ZC3H3: variants seen among roughly 807,000 people sequenced by gnomAD.
ZC3H3 encodes zinc finger CCCH-type containing 3, also known as zinc finger CCCH domain-containing protein 3.
Under a neutral mutation model 77.3 loss-of-function variants are expected in ZC3H3, and 36 were observed. The observed-to-expected ratio is 0.47, with a 90% confidence interval of 0.36 to 0.61. ZC3H3 has a LOEUF of 0.61. Ranked by LOEUF, ZC3H3 falls within the 20% of genes least tolerant of loss-of-function variation. ZC3H3 has a pLI of 0.00. For missense variants in ZC3H3, 1,331 were observed against 1,312.2 expected (o/e 1.01, Z -0.22); for synonymous variants, 626 against 555.2 (o/e 1.13, Z -1.79).
In ZC3H3 at chr8:143,462,753, G is replaced by A. The variant is rs917709650; in HGVS notation, c.2307+2964C>T. Among the ~76,000 whole-genome samples the A allele has an allele frequency of 3.9e-5, 6 of 152,222 alleles. No homozygotes were observed. The highest frequency in any genetic ancestry group is 3.3e-4 in the Admixed American group (5 of 15,292). ...AGATGCAGGAGGGCCAAGGTGTGCA[G>A]GAGCTCTCAATGCAGAGGTGGGGAT... is the stretch of plus-strand genomic sequence containing the variant. On this transcript the variant is annotated intron_variant, in intron 9 of 11. Coordinates refer to ENST00000262577, the MANE Select transcript of ZC3H3 (RefSeq NM_015117.3). This position sits in a 1 kb window ranked among gnomAD's most constrained non-coding sequence, Gnocchi z 4.7.
At position 143,438,866 on chromosome 8, in the gene ZC3H3, GC is replaced by G. The variant is rs1436961584; in HGVS notation, c.2816-780del. ...GTCGGGCCCAGCAGCCAGGGCCCAG[GC>G]TACAGACTACACAGGCTCTGACCCG... On this transcript the variant is annotated intron_variant, in intron 11 of 11. Coordinates refer to ENST00000262577, the MANE Select transcript of ZC3H3 (RefSeq NM_015117.3). Among the ~76,000 whole-genome samples, 3 of 152,178 alleles carry G rather than the reference GC, an allele frequency of 2.0e-5. No homozygotes were observed. The East Asian group carries it at 5.8e-4, about 29-fold the overall frequency.
At chr8:143,443,035 G>A (rs991522253) in intron 9 of ZC3H3, among the ~76,000 whole-genome samples, 5 of 152,130 alleles carry the variant, frequency 3.3e-5, no homozygotes, top group African/African-American at 1.2e-4. Context: ...CACTTTGGGA[G>A]CAAAAGCGGG....
At chr8:143,453,728 C>T (rs561447610) in intron 9 of ZC3H3, among the ~76,000 whole-genome samples, 10 of 152,314 alleles carry the variant, frequency 6.6e-5, no homozygotes, top group Non-Finnish European at 1.5e-4. Flanking sequence ...TCCATCTCTT[C>T]CCCAGTTTTT....
At position 143,440,100 on chromosome 8, in the gene ZC3H3, G is replaced by A. The variant is rs759251402; in HGVS notation, c.2756C>T (p.Pro919Leu). The A allele has an allele frequency of 1.8e-5, 29 of 1,606,970 alleles. 1 individual carries two copies. The highest frequency in any genetic ancestry group is 8.4e-5 in the Admixed American group (5 of 59,280). The change falls in exon 11 of 12, where the codon CCG becomes CTG. Residue 919 changes from proline (P) to leucine (L), a missense_variant. Pro to Leu is a moderately conservative substitution (Grantham distance 98). Around this residue, in one of 3 missense-constraint regions of ZC3H3, gnomAD observed 249 missense variants for 236.9 expected, o/e 1.05. Transcript: ENST00000262577. ...GACCCTGGGCTGGGCTCCTGGGCTC[G>A]GCGAGGACTGCAGGGAGATGAAGGA... ...LPSFISLQSS[P>L]SPGAQPRVRA... is the part of the protein sequence containing the mutation.
chr8:143,510,171 G>A (rs781565626), intron 3 of ZC3H3, among the ~76,000 whole-genome samples: 3 of 152,186 alleles, frequency 2.0e-5, no homozygotes, highest in Non-Finnish European at 2.9e-5. Context: ...CGGTAATAAC[G>A]CAGCGCCAGC....
At chr8:143,482,967 C>T (rs1820947347) in intron 4 of ZC3H3, among the ~76,000 whole-genome samples, 1 of 152,200 alleles carries the variant, frequency 6.6e-6, no homozygotes, top group African/African-American at 2.4e-5. Context: ...TGTGTGTGGG[C>T]CGGGGACCCA....
chr8:143,507,359 G>C (rs1005901447), intron 4 of ZC3H3, among the ~76,000 whole-genome samples: 1 of 152,224 alleles, frequency 6.6e-6, no homozygotes, highest in African/African-American at 2.4e-5. Flanking sequence ...ACCACTGAAG[G>C]CCCAGCCTCT....
At chr8:143,526,795 AG>A (rs1314407079) in intron 3 of ZC3H3, among the ~76,000 whole-genome samples, 3 of 152,186 alleles carry the variant, frequency 2.0e-5, no homozygotes, top group Non-Finnish European at 4.4e-5. Context: ...CCAGCTGGAA[AG>A]CCGCCTCAGT....
At chr8:143,466,823 C>T (rs1226152268) in intron 8 of ZC3H3, among the ~76,000 whole-genome samples, 2 of 152,246 alleles carry the variant, frequency 1.3e-5, no homozygotes, top group Non-Finnish European at 1.5e-5. Context: ...TCCCTGCTCC[C>T]ACTACCCTTG....
chr8:143,468,999 C>T (rs890082243), intron 5 of ZC3H3, among the ~76,000 whole-genome samples: 1 of 152,212 alleles, frequency 6.6e-6, no homozygotes, highest in African/African-American at 2.4e-5. Context: ...GGGCTGGAGA[C>T]GCCCGCCTGT....
At chr8:143,481,933 C>CAT (rs1820918938) in intron 4 of ZC3H3, among the ~76,000 whole-genome samples, 3 of 152,264 alleles carry the variant, frequency 2.0e-5, no homozygotes, top group Admixed American at 1.3e-4. Context: ...AGCCCCAGGC[C>CAT]GGCACTGAGC....
At chr8:143,466,593 A>C (rs924005012) in intron 8 of ZC3H3, among the ~76,000 whole-genome samples, 7 of 152,144 alleles carry the variant, frequency 4.6e-5, no homozygotes, top group Non-Finnish European at 1.0e-4. Context: ...GGAGGGAAGC[A>C]GGGGGTCTCT....
chr8:143,539,404 G>A (rs942432965), intron 1 of ZC3H3, 84 bp from the exon 2 acceptor site: 23 of 1,313,556 alleles, frequency 1.8e-5, no homozygotes, highest in Non-Finnish European at 2.2e-5. Flanking sequence ...CAGCTGGCAA[G>A]ATACCCCCAG....
intron 3 of ZC3H3, among the ~76,000 whole-genome samples, chr8:143,532,224 T>G (rs1211019896): frequency 9.4e-5 from 2 of 21,248 alleles, no homozygotes; most frequent in African/African-American, 1.5e-4. Flanking sequence ...AAAAGGAAAT[T>G]ACGCGATTAC....
intron 4 of ZC3H3, among the ~76,000 whole-genome samples, chr8:143,506,103 T>G (rs982665103): frequency 1.3e-5 from 2 of 152,244 alleles, no homozygotes; most frequent in East Asian, 3.8e-4. Flanking sequence ...CACTTGTTTC[T>G]GTGCAACAAC....
chr8:143,483,941 T>C (rs1820978202), intron 4 of ZC3H3, among the ~76,000 whole-genome samples: 1 of 152,214 alleles, frequency 6.6e-6, no homozygotes, highest in Non-Finnish European at 1.5e-5. Flanking sequence ...TATGGGGGCC[T>C]GCAGAGACCG....
chr8:143,441,866 G>A (rs1298865752), intron 9 of ZC3H3, among the ~76,000 whole-genome samples: 1 of 152,182 alleles, frequency 6.6e-6, no homozygotes. Context: ...TTCAGGGAGG[G>A]TATGCCCTCC....
chr8:143,442,745 A>G (rs997005700), intron 9 of ZC3H3, among the ~76,000 whole-genome samples: 1 of 152,254 alleles, frequency 6.6e-6, no homozygotes, highest in Non-Finnish European at 1.5e-5. Context: ...CAGACTTAGT[A>G]GGAGCAAAAT....
At chr8:143,508,375 C>A (rs901242621) in intron 3 of ZC3H3, among the ~76,000 whole-genome samples, 1 of 152,196 alleles carries the variant, frequency 6.6e-6, no homozygotes, top group African/African-American at 2.4e-5. Context: ...AGGGGAGGGG[C>A]GCTGGAGCAC....
Sources: allele counts gnomAD v4.1 joint callset (sites outside exome capture counted in the v4.1 genomes callset), GRCh38; gene constraint gnomAD v4.1.1; regional missense constraint gnomAD v4.1.1; non-coding constraint Gnocchi (gnomAD v3.1); transcripts MANE v1.5; gene names NCBI Gene and HGNC (gene_info 2026-07-23, HGNC 2026-07-21).